Variants in COL8A1 observed in about 807,000 individuals in gnomAD.
The protein encoded by COL8A1 is collagen type VIII alpha 1 chain.
In COL8A1, 21 loss-of-function variants were observed where a neutral mutation model predicts 42.7. The ratio of observed to expected loss-of-function variants is 0.49; its 90% CI spans 0.35 to 0.71. The LOEUF (loss-of-function observed/expected upper bound fraction) is 0.71, where lower values mean the gene tolerates loss of function less well. Ranked by LOEUF, COL8A1 falls within the 30% of genes least tolerant of loss-of-function variation. COL8A1 has a pLI of 0.01. For missense variants in COL8A1, 788 were observed against 962.4 expected, an observed-to-expected ratio of 0.82 and a Z score of 2.40; for synonymous variants, 367 against 369.1, an observed-to-expected ratio of 0.99 and a Z score of 0.06.
chr3:99,699,648 G>A (rs1939477550), intron 1 of COL8A1, among the ~76,000 whole-genome samples: 2 of 152,120 alleles, frequency 1.3e-5, no homozygotes, highest in Non-Finnish European at 2.9e-5. Flanking sequence ...TCTGAGCACA[G>A]GGCTTTCTCC....
chr3:99,730,136 A>G (rs1205468330), intron 1 of COL8A1, among the ~76,000 whole-genome samples: 1 of 152,146 alleles, frequency 6.6e-6, no homozygotes, highest in East Asian at 1.9e-4. Flanking sequence ...ATTGCATGAA[A>G]GAATAGAATC....
chr3:99,761,884 A>G (rs1450547668), intron 2 of COL8A1, among the ~76,000 whole-genome samples: 1 of 152,204 alleles, frequency 6.6e-6, no homozygotes, highest in Non-Finnish European at 1.5e-5. Flanking sequence ...TTAATTTCAC[A>G]TATGCTGCTC....
chr3:99,717,618 C>A (rs372966732), intron 1 of COL8A1, among the ~76,000 whole-genome samples: 1 of 151,938 alleles, frequency 6.6e-6, no homozygotes, highest in Non-Finnish European at 1.5e-5. Flanking sequence ...GAGCCCTCAC[C>A]GAATTAAGTA....
Position 99,795,081 on chromosome 3 carries a change from C to A in COL8A1, c.1180C>A (p.Leu394Met), listed in dbSNP as rs1270046440. The change falls in exon 4 of 4, where the codon CTG (leucine) becomes ATG (methionine). Residue 394 changes from leucine (L) to methionine (M), a missense_variant. Around this residue, in one of 4 missense-constraint regions of COL8A1, gnomAD observed 421 missense variants for 553.1 expected, o/e 0.76. Coordinates refer to ENST00000652472, the MANE Select transcript of COL8A1 (RefSeq NM_020351.4). ...GIGGPPGEPG[L>M]PGIPGPMGPP... Reference sequence around the variant, plus strand: ...AGGGGGTCCTCCAGGAGAGCCAGGCCTGCCTGGAATCCCAGGTCCTATGGG... The same window carrying A: ...AGGGGGTCCTCCAGGAGAGCCAGGCATGCCTGGAATCCCAGGTCCTATGGG... 8.1e-6 allele frequency: 13 copies of A among 1,611,872 alleles called. No individual in the cohort carries two copies. Among genetic ancestry groups the A allele is most frequent in the Non-Finnish European group, 1.0e-5 (12 of 1,179,018 alleles).
chr3:99,722,689 G>C (rs889511109), intron 1 of COL8A1, among the ~76,000 whole-genome samples: 3 of 151,996 alleles, frequency 2.0e-5, no homozygotes, highest in Non-Finnish European at 4.4e-5. Context: ...TCATTTTATA[G>C]TTGCAAAACA....
chr3:99,713,153 T>C (rs904187008), intron 1 of COL8A1, among the ~76,000 whole-genome samples: 4 of 152,126 alleles, frequency 2.6e-5, no homozygotes, highest in Non-Finnish European at 5.9e-5. Context: ...TGAGAGTTAC[T>C]TCTTCTTATT....
chr3:99,705,755 G>C (rs1470218099), intron 1 of COL8A1, among the ~76,000 whole-genome samples: 1 of 152,036 alleles, frequency 6.6e-6, no homozygotes, highest in African/African-American at 2.4e-5. Context: ...TCTTGTTTTG[G>C]GGATGAATAA....
chr3:99,709,699 C>G (rs1408086718), intron 1 of COL8A1, among the ~76,000 whole-genome samples: 1 of 152,160 alleles, frequency 6.6e-6, no homozygotes, highest in Non-Finnish European at 1.5e-5. Flanking sequence ...GACTCCATAT[C>G]TATTTGGTTT....
chr3:99,773,079 A>G (rs1204864990), intron 2 of COL8A1, among the ~76,000 whole-genome samples: 1 of 152,198 alleles, frequency 6.6e-6, no homozygotes, highest in Non-Finnish European at 1.5e-5. Flanking sequence ...ACTGCCTCCC[A>G]GGGTTACTGG....
chr3:99,669,151 G>GAGA (rs1559773186), intron 1 of COL8A1, among the ~76,000 whole-genome samples: 56 of 114,050 alleles, frequency 4.9e-4, no homozygotes, highest in East Asian at 5.5e-4. Context: ...ATATATAGAG[G>GAGA]GAGAGAGAGA....
chr3:99,692,186 A>G (rs1310045212), intron 1 of COL8A1, among the ~76,000 whole-genome samples: 15 of 152,198 alleles, frequency 9.9e-5, no homozygotes, highest in African/African-American at 3.1e-4. Context: ...TTCAATTATG[A>G]AAACTGGCAG....
chr3:99,667,761 T>C (rs1298333588), intron 1 of COL8A1, among the ~76,000 whole-genome samples: 2 of 152,098 alleles, frequency 1.3e-5, no homozygotes, highest in Admixed American at 6.5e-5. Context: ...AGAAATAAAA[T>C]GTCCATAAAT....
At chr3:99,647,990 A>C (rs1937705818) in intron 1 of COL8A1, among the ~76,000 whole-genome samples, 1 of 152,214 alleles carries the variant, frequency 6.6e-6, no homozygotes, top group Non-Finnish European at 1.5e-5. Flanking sequence ...CTGCTTTCAG[A>C]AAATAAGTAG....
chr3:99,666,800 A>G (rs1342364625), intron 1 of COL8A1, among the ~76,000 whole-genome samples: 1 of 152,216 alleles, frequency 6.6e-6, no homozygotes, highest in Non-Finnish European at 1.5e-5. Flanking sequence ...TATTTGTGTA[A>G]TGAACTTTCA....
At chr3:99,670,233 T>C (rs1938500636) in intron 1 of COL8A1, among the ~76,000 whole-genome samples, 1 of 152,120 alleles carries the variant, frequency 6.6e-6, no homozygotes, top group Non-Finnish European at 1.5e-5. Context: ...GGGAAGTTTT[T>C]TGAGCCAAAA....
intron 1 of COL8A1, among the ~76,000 whole-genome samples, chr3:99,653,654 C>G (rs534762187): frequency 6.6e-6 from 1 of 151,332 alleles, no homozygotes; most frequent in Non-Finnish European, 1.5e-5. Flanking sequence ...AGTGTCTCAT[C>G]TAAGATCTTA....
intron 1 of COL8A1, among the ~76,000 whole-genome samples, chr3:99,733,150 T>A (rs906123968): frequency 2.4e-4 from 30 of 125,492 alleles, no homozygotes; most frequent in Admixed American, 1.5e-4. Flanking sequence ...TTCTTTTTTT[T>A]ATTATTATTA....
chr3:99,734,691 G>T (rs1042091979), intron 1 of COL8A1, among the ~76,000 whole-genome samples: 156 of 151,878 alleles, frequency 1.0e-3, no homozygotes, highest in Middle Eastern at 3.4e-3. Context: ...GTGAAGAAAG[G>T]CATTGGTAGC....
rs138724036 is a variant in COL8A1 at position 99,794,651 on chromosome 3, G to A, written c.750G>A (p.Ala250=). ...KGDKGFGMPG[A]PGVKGPPGMH... ...ACAAGGGCTTCGGGATGCCAGGTGC[G>A]CCAGGTGTAAAGGGGCCTCCAGGGA... Residue 250 remains alanine, a synonymous_variant, in exon 4 of 4, where the codon GCG becomes GCA. Transcript: ENST00000652472. This position sits in a 1 kb window ranked among gnomAD's most constrained non-coding sequence, Gnocchi z 4.3. 606 of 1,613,674 alleles carry A rather than the reference G, an allele frequency of 3.8e-4. No homozygotes were observed. The highest frequency in any genetic ancestry group is 1.5e-3 in the Middle Eastern group (9 of 6,056).
Sources: allele counts gnomAD v4.1 joint callset (sites outside exome capture counted in the v4.1 genomes callset), GRCh38; gene constraint gnomAD v4.1.1; regional missense constraint gnomAD v4.1.1; non-coding constraint Gnocchi (gnomAD v3.1); transcripts MANE v1.5; gene names NCBI Gene and HGNC (gene_info 2026-07-23, HGNC 2026-07-21).